Variants in DAPK3 observed in about 807,000 individuals in gnomAD.
DAPK3 encodes death-associated protein kinase 3.
A neutral mutation model predicts 30.6 loss-of-function variants in DAPK3; 24 were observed. That is an observed-to-expected ratio of 0.78 (90% confidence interval 0.57 to 1.10). The LOEUF (loss-of-function observed/expected upper bound fraction) is 1.10, where lower values mean the gene tolerates loss of function less well. DAPK3 is among the 50% of genes least tolerant of loss of function. DAPK3 has a pLI of 0.00. For missense variants in DAPK3, 629 were observed against 657.3 expected, an observed-to-expected ratio of 0.96 and a Z score of 0.47; for synonymous variants, 341 against 284.0, an observed-to-expected ratio of 1.20 and a Z score of -2.02.
chr19:3,964,540 C>T (rs956230630), intron 3 of DAPK3, 91 bp downstream of exon 3: 22 of 1,442,668 alleles, frequency 1.5e-5, no homozygotes, highest in Middle Eastern at 2.6e-4. Flanking sequence ...ACCTCACCCC[C>T]ACGCGCAGGA....
In DAPK3 at chr19:3,958,837, GC is replaced by G. The variant is rs2039468525; in HGVS notation, c.*263del. The G allele has an allele frequency of 8.6e-6, 5 of 579,220 alleles. No homozygotes were observed. Among genetic ancestry groups the G allele is most frequent in the Non-Finnish European group, 1.2e-5 (4 of 324,838 alleles). The allele number at this position is 579,220 out of a possible 1,614,324, so 35.9% of individuals were successfully genotyped here. On this transcript the variant is annotated 3_prime_UTR_variant, in exon 9 of 9. Transcript: ENST00000545797. The stretch of plus-strand genomic sequence containing the variant: ...CCCTCACGGTGCCACAGGCCACGCT[GC>G]CTGGAGGGTCCCAGGGTCACCGACG...
Position 3,958,889 on chromosome 19 carries a change from C to A in DAPK3, c.*212G>T, listed in dbSNP as rs1044821394. On this transcript the variant is annotated 3_prime_UTR_variant, in exon 9 of 9. Transcript: ENST00000545797. ...ATGCAGGGGTGAAGGTGAAGGCCAG[C>A]GTGGAGGCTGTGTAGAGAAGCAGCC... The A allele has an allele frequency of 1.9e-5, 11 of 583,686 alleles. No individual in the cohort carries two copies. The South Asian group carries it at 2.3e-4, about 12-fold the overall frequency. 36.2% of individuals were successfully genotyped at this position (583,686 alleles called of 1,614,324 possible). A position where few individuals can be genotyped will look rare whatever the true frequency, so the allele number is the denominator to read the frequency against.
chr19:3,961,732 G>T (rs911392933), intron 6 of DAPK3: 17 of 343,598 alleles, frequency 4.9e-5, no homozygotes, highest in Non-Finnish European at 9.3e-5. Flanking sequence ...TCAAGGTCAT[G>T]AAAGCCAGAC....
chr19:3,970,074 C>T (rs1568195051), intron 1 of DAPK3: 1 of 342,096 alleles, frequency 2.9e-6, no homozygotes, highest in South Asian at 5.9e-5. Context: ...AAAACTCTCT[C>T]CAGACACATA....
Position 3,969,727 on chromosome 19 carries a change from C to T in DAPK3, c.9G>A (p.Thr3=), listed in dbSNP as rs111730532. Residue 3 remains threonine, a synonymous_variant, in exon 2 of 9, where the codon ACG becomes ACA. Coordinates refer to ENST00000545797, the MANE Select transcript of DAPK3 (RefSeq NM_001348.3). MS[T]FRQEDVEDHY... ...GGTCCTCCACGTCCTCCTGCCTGAA[C>T]GTGGACATGGCGGCCGGTCCGCCTT... is the stretch of plus-strand genomic sequence containing the variant. The T allele has an allele frequency of 6.2e-7, 1 of 1,611,932 alleles. No homozygotes were observed. The highest frequency in any genetic ancestry group is 2.2e-5 in the East Asian group (1 of 44,880).
intron 2 of DAPK3, among the ~76,000 whole-genome samples, chr19:3,967,286 C>T (rs1029830212): frequency 5.3e-5 from 8 of 151,510 alleles, no homozygotes; most frequent in Non-Finnish European, 1.2e-4. Flanking sequence ...CACGTCTCTA[C>T]TAAAAATACA....
chr19:3,959,524 C>G lies in DAPK3; in HGVS notation c.942G>C (p.Pro314=), dbSNP rs200263027. 1.3e-6 allele frequency: 2 copies of G among 1,570,736 alleles called. No homozygotes were observed. The highest frequency in any genetic ancestry group is 1.7e-6 in the Non-Finnish European group (2 of 1,166,454). ...EYTIKSHSSL[P]PNNSYADFER... is the part of the protein sequence containing the mutation. ...CGAAGTCGGCGTAGCTGTTGTTGGG[C>G]GGCAAGCTGGAGTGCGACTTGATGG... The change falls in exon 9 of 9, where the codon CCG becomes CCC. Residue 314 remains proline, a synonymous_variant. Transcript: ENST00000545797.
chr19:3,963,789 G>T, intron 5 of DAPK3, 82 bp downstream of exon 5: 1 of 1,235,260 alleles, frequency 8.1e-7, no homozygotes, highest in Non-Finnish European at 1.2e-6. Context: ...CAGCAGCAAG[G>T]CCCCGCTTCA....
At position 3,960,083 on chromosome 19, in the gene DAPK3, C is replaced by T. The variant is rs773967491; in HGVS notation, c.804G>A (p.Gln268=). 5.1e-6 allele frequency: 8 copies of T among 1,569,532 alleles called. No individual in the cohort carries two copies. In the South Asian group the frequency reaches 8.9e-5, roughly 17 times the overall value. ...CCTTAATCCAGGAATGTTCCAGGCT[C>T]TGGGCAATGGTCATTCTCCGCCTGG... ...KDPKRRMTIA[Q]SLEHSWIKAI... The change falls in exon 8 of 9, where the codon CAG becomes CAA. Residue 268 remains glutamine, a synonymous_variant. Coordinates refer to ENST00000545797, the MANE Select transcript of DAPK3 (RefSeq NM_001348.3).
intron 1 of DAPK3, chr19:3,970,033 T>TA (rs2039618142): frequency 2.4e-6 from 1 of 416,316 alleles, no homozygotes; most frequent in Non-Finnish European, 4.3e-6. Flanking sequence ...AAAAGTTTGG[T>TA]AACAGCCCCA....
intron 2 of DAPK3, 35 bp downstream of exon 2, chr19:3,969,639 T>C: frequency 1.2e-5 from 17 of 1,437,376 alleles, no homozygotes; most frequent in Non-Finnish European, 1.6e-5. Flanking sequence ...CTCTCTCCTA[T>C]CCCTGGAGCC....
chr19:3,961,621 AC>A (rs766926728), intron 6 of DAPK3: 1 of 434,102 alleles, frequency 2.3e-6, no homozygotes, highest in Non-Finnish European at 4.8e-6. Flanking sequence ...GAGCAGAGAC[AC>A]TGAAGCCCCG....
intron 6 of DAPK3, among the ~76,000 whole-genome samples, chr19:3,962,008 G>A (rs548824882): frequency 3.3e-5 from 5 of 152,234 alleles, no homozygotes; most frequent in South Asian, 2.1e-4. Flanking sequence ...ACAGGCACCC[G>A]CTGCCACACC....
At chr19:3,968,327 T>A (rs934915069) in intron 2 of DAPK3, among the ~76,000 whole-genome samples, 2 of 152,146 alleles carry the variant, frequency 1.3e-5, no homozygotes, top group Admixed American at 1.3e-4. Context: ...AAATCCTGTC[T>A]CTACTAAAAA....
intron 6 of DAPK3, chr19:3,961,428 G>A (rs1291500617): frequency 1.6e-6 from 1 of 607,894 alleles, no homozygotes; most frequent in Admixed American, 1.9e-5. Flanking sequence ...TATCTGTGCA[G>A]ACGCAGAGCC....
chr19:3,966,470 C>T (rs2145339859), intron 2 of DAPK3, among the ~76,000 whole-genome samples: 1 of 152,312 alleles, frequency 6.6e-6, no homozygotes, highest in South Asian at 2.1e-4. Context: ...AAGAGAGGAT[C>T]TCTCTCTCCC....
intron 2 of DAPK3, among the ~76,000 whole-genome samples, chr19:3,966,297 C>G (rs960562215): frequency 2.6e-5 from 4 of 152,302 alleles, no homozygotes; most frequent in African/African-American, 9.6e-5. Flanking sequence ...CTAACAGACC[C>G]AGCTGTCCCA....
chr19:3,958,996 G>C lies in DAPK3; in HGVS notation c.*105C>G. 1 of 734,208 alleles carries C rather than the reference G, an allele frequency of 1.4e-6. No individual in the cohort carries two copies. The highest frequency in any genetic ancestry group is 2.1e-6 in the Non-Finnish European group (1 of 467,674). The allele number at this position is 734,208 out of a possible 1,614,324, so 45.5% of individuals were successfully genotyped here. On this transcript the variant is annotated 3_prime_UTR_variant, in exon 9 of 9. Transcript: ENST00000545797. ...CTCCGCCTCCAGCCTGGTGGCGCTG[G>C]GCAAGGACAGGCACCCGGGCGATGG...
At chr19:3,964,075 G>A (rs904476414) in intron 4 of DAPK3, among the ~76,000 whole-genome samples, 156 bp from the exon 5 acceptor site, 5 of 152,202 alleles carry the variant, frequency 3.3e-5, no homozygotes, top group Non-Finnish European at 5.9e-5. Context: ...GTAGGACAGC[G>A]GGGCTGCACC....
Sources: gnomAD v4.1 joint callset for allele counts (sites outside exome capture counted in the v4.1 genomes callset) on GRCh38, gnomAD v4.1.1 for gene constraint, MANE v1.5 for transcripts, NCBI Gene and HGNC (gene_info 2026-07-23, HGNC 2026-07-21) for gene names.